The following ESR1 variants were observed in gnomAD, a reference collection of about 807,000 sequenced individuals.
The protein encoded by ESR1 is estrogen receptor 1, also known as estrogen receptor.
A neutral mutation model predicts 52.7 loss-of-function variants in ESR1; 12 were observed. The ratio of observed to expected loss-of-function variants is 0.23; its 90% CI spans 0.15 to 0.37. The LOEUF is 0.37. ESR1 is among the 10% of genes least tolerant of loss of function. The pLI is 1.00. For synonymous variants in ESR1, 305 were observed against 316.8 expected (o/e 0.96, Z 0.39); for missense variants, 584 against 779.7 (o/e 0.75, Z 2.99).
At chr6:151,681,364 C>T (rs1778451520) in intron 1 of ESR1, among the ~76,000 whole-genome samples, 1 of 151,700 alleles carries the variant, frequency 6.6e-6, no homozygotes, top group Non-Finnish European at 1.5e-5. Context: ...CTGATGAAAG[C>T]GACAGCAAGA....
intron 1 of ESR1, among the ~76,000 whole-genome samples, chr6:151,670,593 A>T (rs1477902052): frequency 6.6e-6 from 1 of 151,916 alleles, no homozygotes; most frequent in Admixed American, 6.6e-5. Flanking sequence ...CTTAAAAAAA[A>T]ATTTTTTTTT....
At chr6:152,081,335 A>G (rs989928267) in intron 6 of ESR1, among the ~76,000 whole-genome samples, 6 of 152,116 alleles carry the variant, frequency 3.9e-5, no homozygotes, top group Non-Finnish European at 7.4e-5. Context: ...TCAAATCCAC[A>G]CAGCTACGTG....
chr6:152,047,956 A>ATTTTTTT (rs71017517), intron 5 of ESR1, among the ~76,000 whole-genome samples: 1 of 67,778 alleles, frequency 1.5e-5, no homozygotes, highest in Non-Finnish European at 2.8e-5. Context: ...CTCCTCAAGC[A>ATTTTTTT]TTTTTTTTTT....
chr6:151,708,463 G>T (rs1299075279), intron 2 of ESR1, among the ~76,000 whole-genome samples: 1 of 151,978 alleles, frequency 6.6e-6, no homozygotes, highest in Non-Finnish European at 1.5e-5. Context: ...GGTTTAAAAG[G>T]TATGTGTATT....
chr6:151,988,047 T>G (rs1017493797), intron 4 of ESR1, among the ~76,000 whole-genome samples: 1 of 152,118 alleles, frequency 6.6e-6, no homozygotes, highest in African/African-American at 2.4e-5. Context: ...GGGACTGGCT[T>G]TGTGGAAGAC....
At chr6:151,896,462 T>C (rs1043726030) in intron 3 of ESR1, among the ~76,000 whole-genome samples, 2 of 152,166 alleles carry the variant, frequency 1.3e-5, no homozygotes, top group African/African-American at 4.8e-5. Flanking sequence ...GGTTTTCTAG[T>C]TTATGTGTGT....
chr6:152,054,376 T>G (rs2046938112), intron 5 of ESR1, among the ~76,000 whole-genome samples: 3 of 152,278 alleles, frequency 2.0e-5, no homozygotes, highest in Admixed American at 1.3e-4. Flanking sequence ...TGCTGAAATC[T>G]TGTTGATTTT....
chr6:152,068,622 C>A (rs2048152985), intron 6 of ESR1, among the ~76,000 whole-genome samples: 1 of 152,138 alleles, frequency 6.6e-6, no homozygotes, highest in Non-Finnish European at 1.5e-5. Context: ...GTCTTCATGT[C>A]TTTTGGAATG....
At chr6:151,755,767 A>C (rs902224707) in intron 2 of ESR1, among the ~76,000 whole-genome samples, 9 of 151,672 alleles carry the variant, frequency 5.9e-5, no homozygotes, top group African/African-American at 2.2e-4. Context: ...AGTAGCTGGG[A>C]TTATAGGTGC....
intron 6 of ESR1, among the ~76,000 whole-genome samples, chr6:152,084,704 G>GA (rs34421368): frequency 0.084 from 10,327 of 122,490 alleles, 383 homozygotes; most frequent in South Asian, 0.2. Context: ...GCTTTTAATT[G>GA]AAAAAAAAAA....
chr6:151,971,787 AG>A (rs2038938354), intron 4 of ESR1, among the ~76,000 whole-genome samples: 1 of 152,148 alleles, frequency 6.6e-6, no homozygotes, highest in Admixed American at 6.5e-5. Context: ...ACCCAGCAGA[AG>A]GAAAGAAATA....
chr6:152,034,763 C>T (rs1185711747), intron 5 of ESR1, among the ~76,000 whole-genome samples: 1 of 152,188 alleles, frequency 6.6e-6, no homozygotes, highest in Non-Finnish European at 1.5e-5. Flanking sequence ...TGCAGACCCA[C>T]ATGAATCATA....
chr6:151,900,882 C>G (rs969775825), intron 3 of ESR1, among the ~76,000 whole-genome samples: 1 of 152,174 alleles, frequency 6.6e-6, no homozygotes, highest in African/African-American at 2.4e-5. Flanking sequence ...GGGTCCTTAG[C>G]TTTTGTTGTT....
At chr6:152,024,586 ACAAATTTTTATATTTGTGCC>A (rs2043964323) in intron 5 of ESR1, among the ~76,000 whole-genome samples, 1 of 150,446 alleles carries the variant, frequency 6.6e-6, no homozygotes, top group Non-Finnish European at 1.5e-5. Context: ...TGTATTTTGC[ACAAATTTTTATATTTGTGCC>A]TATTGGATGC....
Position 152,076,681 on chromosome 6 carries a change from A to G in ESR1, c.1369+15557A>G, listed in dbSNP as rs780266384. ...CAGGCTGAGGTGGTCTCAGATGGGG[A>G]TGAAGAAACTGTTGGGAAGTGGAGC... On this transcript the variant is annotated intron_variant, in intron 6 of 7. Transcript: ENST00000206249. 2.6e-5 allele frequency among the ~76,000 whole-genome samples: 4 copies of G among 152,294 alleles called. No homozygotes were observed. In the South Asian group the frequency reaches 8.3e-4, roughly 32 times the overall value.
intron 2 of ESR1, among the ~76,000 whole-genome samples, chr6:151,744,316 A>G (rs1206577785): frequency 1.3e-5 from 2 of 152,200 alleles, no homozygotes; most frequent in Non-Finnish European, 2.9e-5. Flanking sequence ...TTCCCAAAGC[A>G]GCTGCACTAT....
intron 5 of ESR1, among the ~76,000 whole-genome samples, chr6:152,055,893 T>C (rs2047061465): frequency 6.6e-6 from 1 of 152,222 alleles, no homozygotes; most frequent in Non-Finnish European, 1.5e-5. Flanking sequence ...ACCAATTTCT[T>C]TTTTAATCTA....
intron 1 of ESR1, among the ~76,000 whole-genome samples, chr6:151,669,189 A>AGAGAGAG (rs774737323): frequency 1.7e-4 from 15 of 87,100 alleles, no homozygotes; most frequent in African/African-American, 3.0e-4. Flanking sequence ...AGAGAGAGAG[A>AGAGAGAG]TGGGAATCCA....
chr6:152,049,781 G>A (rs944414367), intron 5 of ESR1, among the ~76,000 whole-genome samples: 9 of 152,160 alleles, frequency 5.9e-5, no homozygotes, highest in African/African-American at 1.4e-4. Flanking sequence ...TTCATCCTAC[G>A]AGGGGTTGGA....
Sources: allele counts gnomAD v4.1 joint callset (sites outside exome capture counted in the v4.1 genomes callset), GRCh38; gene constraint gnomAD v4.1.1; transcripts MANE v1.5; gene names NCBI Gene and HGNC (gene_info 2026-07-23, HGNC 2026-07-21).